RAD54L2: variants seen among roughly 807,000 people sequenced by gnomAD.
RAD54L2 encodes RAD54 like 2, also known as helicase ARIP4.
RAD54L2 carries 27 observed loss-of-function variants against 138.4 expected under a neutral mutation model. That is an observed-to-expected ratio of 0.20 (90% CI 0.14 to 0.27). RAD54L2 has a LOEUF of 0.27. Among genes scored for constraint, RAD54L2 ranks in the 10% least tolerant of loss-of-function variants. RAD54L2 has a pLI of 1.00. For missense variants in RAD54L2, 1,396 were observed against 1,890.2 expected (o/e 0.74, Z 4.85); for synonymous variants, 644 against 723.2 (o/e 0.89, Z 1.76).
In RAD54L2 at chr3:51,633,559, G is replaced by A; in HGVS notation, c.826-18G>A. On this transcript the variant is annotated intron_variant, in intron 7 of 22. Transcript: ENST00000684192. ...ATCTTTGTGAGCCCCTCTGACATTT[G>A]TCTTTGTCCCTTGTCAGATTGGCGG... is the stretch of plus-strand genomic sequence containing the variant. The A allele has an allele frequency of 6.2e-7, 1 of 1,606,610 alleles. No homozygotes were observed. The highest frequency in any genetic ancestry group is 8.5e-7 in the Non-Finnish European group (1 of 1,173,984).
intron 3 of RAD54L2, among the ~76,000 whole-genome samples, chr3:51,618,906 G>A (rs1700505938): frequency 6.6e-6 from 1 of 152,188 alleles, no homozygotes. Flanking sequence ...TCCCTTGAAT[G>A]TGGGTGGGAA....
Position 51,656,132 on chromosome 3 carries a change from G to A in RAD54L2, c.3188G>A (p.Arg1063His), listed in dbSNP as rs755481548. The A allele has an allele frequency of 1.6e-5, 26 of 1,613,480 alleles. No individual in the cohort carries two copies. The highest frequency in any genetic ancestry group is 2.2e-5 in the South Asian group (2 of 91,074). The change falls in exon 20 of 23, where the codon CGT becomes CAT. Residue 1063 changes from arginine to histidine, a missense_variant. Arg to His is a conservative substitution (Grantham distance 29, BLOSUM62 0). Around this residue, in one of 7 missense-constraint regions of RAD54L2, gnomAD observed 634 missense variants for 711.2 expected, o/e 0.89. Transcript: ENST00000684192. ...AACTTTCCCATCAACTACTTGCAGCGTGCAGGAGTCCTTGTGCAGAAGGTG... is the reference window on the plus strand; with the variant it reads ...AACTTTCCCATCAACTACTTGCAGCATGCAGGAGTCCTTGTGCAGAAGGTG... ...SMNFPINYLQ[R>H]AGVLVQKVVT...
chr3:51,626,437 T>TTTTTTTTTTG (rs1700688794), intron 3 of RAD54L2, among the ~76,000 whole-genome samples: 1 of 70,144 alleles, frequency 1.4e-5, no homozygotes, highest in Non-Finnish European at 2.6e-5. Context: ...CCCAACGATC[T>TTTTTTTTTTG]TTTTTTTTTT....
rs889238673 is a variant in RAD54L2, at chr3:51,667,567, C to T, written c.*4147C>T. On this transcript the variant is annotated 3_prime_UTR_variant, in exon 23 of 23. Coordinates refer to ENST00000684192, the MANE Select transcript of RAD54L2 (RefSeq NM_015106.4). ...CACCCCTAAAACTAAGTGAAGTCAT[C>T]CTTCCCCAAAAGGACCCCTGGGAGA... The T allele has an allele frequency of 6.6e-6, 1 of 152,264 alleles. No individual in the cohort carries two copies. The highest frequency in any genetic ancestry group is 2.4e-5 in the African/African-American group (1 of 41,452). 9.4% of individuals were successfully genotyped at this position (152,264 alleles called of 1,614,324 possible).
chr3:51,645,781 A>C lies in RAD54L2; in HGVS notation c.2829+18A>C. The C allele has an allele frequency of 6.3e-7, 1 of 1,595,782 alleles. No homozygotes were observed. Among genetic ancestry groups the C allele is most frequent in the Non-Finnish European group, 8.5e-7 (1 of 1,171,640 alleles). ...TCACCAAGGTAAGAACTTGGTATGC[A>C]TGCAATCCCCAGAGTGGCAGTCTCT... On this transcript the variant is annotated intron_variant, in intron 18 of 22. Transcript: ENST00000684192. This position sits in a 1 kb window ranked among gnomAD's most constrained non-coding sequence, Gnocchi z 6.1.
chr3:51,627,610 A>G lies in RAD54L2; in HGVS notation c.197A>G (p.Gln66Arg). ...CATGCCCAGTTGGGAGAAGATGGGC[A>G]GCAGCCGCCGCGGTGCACTTCAACT... ...TEHAQLGEDG[Q>R]QPPRCTSTTS... The change falls in exon 4 of 23, where the codon CAG (glutamine) becomes CGG (arginine). Residue 66 changes from glutamine (Q) to arginine (R), a missense_variant. Around this residue, in one of 7 missense-constraint regions of RAD54L2, gnomAD observed 256 missense variants for 344.6 expected, o/e 0.74. Coordinates refer to ENST00000684192, the MANE Select transcript of RAD54L2 (RefSeq NM_015106.4). 1 of 1,562,250 alleles carries G rather than the reference A, an allele frequency of 6.4e-7. No individual in the cohort carries two copies. Among genetic ancestry groups the G allele is most frequent in the Non-Finnish European group, 8.7e-7 (1 of 1,153,898 alleles).
At position 51,638,205 on chromosome 3, in the gene RAD54L2, C is replaced by T. The variant is rs1559647350; in HGVS notation, c.1744C>T (p.Arg582Trp). The T allele has an allele frequency of 6.2e-7, 1 of 1,613,970 alleles. No individual in the cohort carries two copies. Among genetic ancestry groups the T allele is most frequent in the Non-Finnish European group, 8.5e-7 (1 of 1,179,880 alleles). Residue 582 changes from arginine to tryptophan, a missense_variant, in exon 12 of 23, where the codon CGG (arginine) becomes TGG (tryptophan). Coordinates refer to ENST00000684192, the MANE Select transcript of RAD54L2 (RefSeq NM_015106.4). The surrounding 1 kb of genome is among the most constrained non-coding windows in gnomAD (Gnocchi z 4.3). ...CAAGGAAGAAAATGTGATCCTTGTG[C>T]GGCTCTCCAAGATCCAGCGAGATTT... ...PAKEENVILVRLSKIQRDLYT... is the reference protein window; with the variant it reads ...PAKEENVILVWLSKIQRDLYT...
intron 3 of RAD54L2, among the ~76,000 whole-genome samples, chr3:51,591,967 C>T (rs769317941): frequency 2.1e-4 from 31 of 149,610 alleles, no homozygotes; most frequent in Non-Finnish European, 3.8e-4. Flanking sequence ...TATGCTTCTG[C>T]GGACTTTACT....
chr3:51,663,659 A>C lies in RAD54L2; in HGVS notation c.*239A>C. On this transcript the variant is annotated 3_prime_UTR_variant, in exon 23 of 23. Transcript: ENST00000684192. ...AATAGCGGGAAATCAGGGACCCAAA[A>C]CAGGGATGGAGGGGCAGTGCAGCCT... The C allele has an allele frequency of 2.0e-6, 1 of 493,206 alleles. No homozygotes were observed. The highest frequency in any genetic ancestry group is 3.6e-6 in the Non-Finnish European group (1 of 280,908). 30.6% of individuals were successfully genotyped at this position (493,206 alleles called of 1,614,324 possible).
At chr3:51,656,980 A>G (rs1701616904) in intron 20 of RAD54L2, among the ~76,000 whole-genome samples, 2 of 151,972 alleles carry the variant, frequency 1.3e-5, no homozygotes, top group African/African-American at 2.4e-5. Flanking sequence ...CAGGCAATCC[A>G]CCCGCCTTGG....
intron 16 of RAD54L2, 89 bp from the exon 17 acceptor site, chr3:51,644,935 T>G: frequency 1.5e-6 from 2 of 1,294,252 alleles, no homozygotes; most frequent in Non-Finnish European, 2.2e-6. Context: ...GACAGAGTAA[T>G]ATTGGGGTAG....
chr3:51,608,082 C>T (rs1321943548), intron 3 of RAD54L2, among the ~76,000 whole-genome samples: 2 of 149,788 alleles, frequency 1.3e-5, no homozygotes, highest in Non-Finnish European at 3.0e-5. Context: ...GGGCGGCTGC[C>T]GGGTGGAGGG....
At chr3:51,581,424 TC>T (rs1189501464) in intron 2 of RAD54L2, among the ~76,000 whole-genome samples, 1 of 152,158 alleles carries the variant, frequency 6.6e-6, no homozygotes, top group Non-Finnish European at 1.5e-5. Flanking sequence ...CATATAGAAT[TC>T]CTGCACGGTC....
At chr3:51,613,774 A>G (rs1374254470) in intron 3 of RAD54L2, among the ~76,000 whole-genome samples, 3 of 152,166 alleles carry the variant, frequency 2.0e-5, no homozygotes, top group Non-Finnish European at 4.4e-5. Flanking sequence ...CCAAAAAAAA[A>G]AAAAAAAAAA....
intron 16 of RAD54L2, 54 bp downstream of exon 16, chr3:51,644,028 C>T (rs1401634927): frequency 1.4e-6 from 2 of 1,410,140 alleles, no homozygotes; most frequent in East Asian, 2.5e-5. Context: ...CAGTTGGCCA[C>T]CTGGGCTGGT....
Position 51,663,517 on chromosome 3 carries a change from C to G in RAD54L2, c.*97C>G. Reference sequence around the variant, plus strand: ...GACCTTTTGAGAATAGGACACTTGGCAGGAGGGAAAAGGAAGAGGACAAAG... The same window carrying G: ...GACCTTTTGAGAATAGGACACTTGGGAGGAGGGAAAAGGAAGAGGACAAAG... On this transcript the variant is annotated 3_prime_UTR_variant, in exon 23 of 23. Coordinates refer to ENST00000684192, the MANE Select transcript of RAD54L2 (RefSeq NM_015106.4). The G allele has an allele frequency of 7.6e-7, 1 of 1,320,912 alleles. No homozygotes were observed. Among genetic ancestry groups the G allele is most frequent in the Non-Finnish European group, 1.0e-6 (1 of 988,886 alleles). 81.8% of individuals were successfully genotyped at this position (1,320,912 alleles called of 1,614,324 possible).
At chr3:51,653,296 A>C (rs1291990069) in intron 19 of RAD54L2, among the ~76,000 whole-genome samples, 3 of 152,076 alleles carry the variant, frequency 2.0e-5, no homozygotes, top group Non-Finnish European at 4.4e-5. Flanking sequence ...TGCTGGAGAG[A>C]ATGTGGAGAA....
chr3:51,586,781 C>G (rs1699719953), intron 2 of RAD54L2, among the ~76,000 whole-genome samples: 1 of 151,922 alleles, frequency 6.6e-6, no homozygotes, highest in African/African-American at 2.4e-5. Context: ...GTTGTTTGGG[C>G]TGGTCTTGAA....
At chr3:51,641,716 G>A in intron 14 of RAD54L2, 33 bp from the exon 15 acceptor site, 1 of 1,411,882 alleles carries the variant, frequency 7.1e-7, no homozygotes, top group Non-Finnish European at 9.8e-7. Flanking sequence ...CTCAATTCTG[G>A]GAGCCATCTG....
Sources: allele counts gnomAD v4.1 joint callset (sites outside exome capture counted in the v4.1 genomes callset), GRCh38; gene constraint gnomAD v4.1.1; regional missense constraint gnomAD v4.1.1; non-coding constraint Gnocchi (gnomAD v3.1); transcripts MANE v1.5; gene names NCBI Gene and HGNC (gene_info 2026-07-23, HGNC 2026-07-21).